TRPM6: variants seen among roughly 807,000 people sequenced by gnomAD.
TRPM6 encodes transient receptor potential cation channel subfamily M member 6.
TRPM6 carries 111 observed loss-of-function variants against 247.6 expected under a neutral mutation model. The ratio of observed to expected loss-of-function variants is 0.45; its 90% CI spans 0.38 to 0.52. TRPM6 has a LOEUF of 0.52. TRPM6 is among the 20% of genes least tolerant of loss of function. The pLI, the probability that TRPM6 is intolerant of heterozygous loss-of-function variation, is 0.00. For missense variants in TRPM6, 2,126 were observed against 2,421.5 expected (o/e 0.88, Z 2.56); for synonymous variants, 892 against 853.8 (o/e 1.04, Z -0.78).
chr9:74,849,658 G>T (rs1830231892), intron 3 of TRPM6, among the ~76,000 whole-genome samples: 2 of 152,136 alleles, frequency 1.3e-5, no homozygotes, highest in African/African-American at 2.4e-5. Context: ...TAAAATCCTG[G>T]CTATAGAACA....
chr9:74,803,799 A>C lies in TRPM6; in HGVS notation c.1726T>G (p.Phe576Val), dbSNP rs763156594. The change falls in exon 15 of 39, where the codon TTC (phenylalanine) becomes GTC (valine). Residue 576 changes from phenylalanine (F) to valine (V), a missense_variant. Phe to Val is a conservative substitution (Grantham distance 50). Coordinates refer to ENST00000360774, the MANE Select transcript of TRPM6 (RefSeq NM_017662.5). ...GAAAAACAAGTAAATGGTACCTTGAATTTGTATGGCTGTGCAGTTCTAATG... is the reference window on the plus strand; with the variant it reads ...GAAAAACAAGTAAATGGTACCTTGACTTTGTATGGCTGTGCAGTTCTAATG... ...QFIRTAQPYK[F>V]KEKSIVLHKS... The C allele has an allele frequency of 1.2e-6, 2 of 1,608,596 alleles. No homozygotes were observed. The highest frequency in any genetic ancestry group is 1.1e-5 in the South Asian group (1 of 90,966).
rs145164991 is a variant in TRPM6 at position 74,746,666 on chromosome 9, T to C, written c.5083+1223A>G. On this transcript the variant is annotated intron_variant, in intron 31 of 38. Coordinates refer to ENST00000360774, the MANE Select transcript of TRPM6 (RefSeq NM_017662.5). ...AGTGATGATTTAGCATTCATAAAGA[T>C]AATTCTGATAGAAACATAGGAAAGT... Among the ~76,000 whole-genome samples, 504 of 152,340 alleles carry C rather than the reference T, an allele frequency of 3.3e-3. 2 individuals carry two copies. Among genetic ancestry groups the C allele is most frequent in the Non-Finnish European group, 5.7e-3 (388 of 68,036 alleles).
chr9:74,802,605 C>G (rs572039483), intron 15 of TRPM6, among the ~76,000 whole-genome samples: 1 of 152,036 alleles, frequency 6.6e-6, no homozygotes, highest in African/African-American at 2.4e-5. Context: ...GGAAATGGGT[C>G]GAAATAGCGT....
intron 7 of TRPM6, among the ~76,000 whole-genome samples, chr9:74,823,736 T>TA (rs1829214264): frequency 6.6e-6 from 1 of 152,206 alleles, no homozygotes; most frequent in Admixed American, 6.5e-5. Context: ...GATTTTGGAA[T>TA]AAAAACACTT....
intron 8 of TRPM6, among the ~76,000 whole-genome samples, 193 bp from the exon 9 acceptor site, chr9:74,820,620 A>G (rs1051521643): frequency 3.3e-5 from 5 of 152,114 alleles, no homozygotes; most frequent in Non-Finnish European, 2.9e-5. Context: ...GTGGGAATGG[A>G]GCCGGGCATG....
Position 74,775,932 on chromosome 9 carries a change from C to T in TRPM6, c.3354G>A (p.Leu1118=). ...GGTCGTGAGGAGCTCGATGACAGCA[C>T]AGGCGGCGGAGGAGAAGGCCCACGT... ...LSHVGLLLRR[L]CCHRAPHDQE... is the part of the protein sequence containing the mutation. The change falls in exon 24 of 39, where the codon CTG becomes CTA. Residue 1118 remains leucine, a synonymous_variant. Coordinates refer to ENST00000360774, the MANE Select transcript of TRPM6 (RefSeq NM_017662.5). 6.2e-7 allele frequency: 1 copy of T among 1,614,160 alleles called. No individual in the cohort carries two copies. Among genetic ancestry groups the T allele is most frequent in the Non-Finnish European group, 8.5e-7 (1 of 1,180,040 alleles).
rs1480689264 is a variant in TRPM6, at chr9:74,855,516, C to A, written c.152+11G>T. ...AAAAGCTAAAAGGAATCTTGCTTATCTAAGTCTTACCTGATTAAATTCTGG... is the reference window on the plus strand; with the variant it reads ...AAAAGCTAAAAGGAATCTTGCTTATATAAGTCTTACCTGATTAAATTCTGG... On this transcript the variant is annotated intron_variant, in intron 3 of 38. Coordinates refer to ENST00000360774, the MANE Select transcript of TRPM6 (RefSeq NM_017662.5). 1.3e-6 allele frequency: 2 copies of A among 1,597,808 alleles called. No homozygotes were observed. The highest frequency in any genetic ancestry group is 1.7e-6 in the Non-Finnish European group (2 of 1,165,390).
chr9:74,863,540 C>T (rs1334051729), intron 1 of TRPM6, among the ~76,000 whole-genome samples: 1 of 152,060 alleles, frequency 6.6e-6, no homozygotes, highest in Non-Finnish European at 1.5e-5. Flanking sequence ...TTGGGGTACT[C>T]TCTGAGAAGG....
intron 23 of TRPM6, among the ~76,000 whole-genome samples, chr9:74,779,876 T>C (rs374572662): frequency 3.3e-5 from 5 of 152,284 alleles, no homozygotes; most frequent in Admixed American, 2.0e-4. Context: ...GTGTGATGCA[T>C]GATTTAAGAA....
intron 1 of TRPM6, among the ~76,000 whole-genome samples, chr9:74,872,729 C>CAAG (rs202032528): frequency 0.016 from 2,390 of 152,242 alleles, 49 homozygotes; most frequent in Non-Finnish European, 0.022. Context: ...CTCAGCCTCT[C>CAAG]AAAGTGCTGG....
At chr9:74,766,850 C>A (rs1826843331) in intron 25 of TRPM6, among the ~76,000 whole-genome samples, 1 of 151,986 alleles carries the variant, frequency 6.6e-6, no homozygotes, top group South Asian at 2.1e-4. Flanking sequence ...GCAGAGGTTG[C>A]AGTGAGCTGA....
At chr9:74,769,680 C>A (rs1826956728) in intron 25 of TRPM6, among the ~76,000 whole-genome samples, 1 of 151,660 alleles carries the variant, frequency 6.6e-6, no homozygotes, top group East Asian at 2.0e-4. Flanking sequence ...ATTGCTTGAA[C>A]CCGGGAGGCA....
At chr9:74,827,646 G>C in intron 7 of TRPM6, 132 bp downstream of exon 7, 1 of 881,984 alleles carries the variant, frequency 1.1e-6, no homozygotes, top group South Asian at 1.3e-5. Context: ...GTGGGAAGGG[G>C]GGTGGCTGAA....
At chr9:74,752,882 G>A (rs1199671385) in intron 28 of TRPM6, among the ~76,000 whole-genome samples, 1 of 152,076 alleles carries the variant, frequency 6.6e-6, no homozygotes, top group Non-Finnish European at 1.5e-5. Flanking sequence ...GGAGGCCAAG[G>A]CGGGTGGATC....
At chr9:74,775,822 C>T (rs1827197167) in intron 24 of TRPM6, 61 bp downstream of exon 24, 1 of 1,539,710 alleles carries the variant, frequency 6.5e-7, no homozygotes, top group Non-Finnish European at 9.0e-7. Flanking sequence ...TACTCCAGTG[C>T]ATCTTTGCCT....
chr9:74,776,763 AACTTT>A lies in TRPM6; in HGVS notation c.3210-692_3210-688del, dbSNP rs1358087646. On this transcript the variant is annotated intron_variant, in intron 23 of 38. Transcript: ENST00000360774. ...AACAATATACCATCCTTAACTACTT[AACTTT>A]AAGTATATAATATGATATAAGAGGA... Among the ~76,000 whole-genome samples the A allele has an allele frequency of 3.3e-5, 5 of 152,326 alleles. No individual in the cohort carries two copies. The East Asian group carries it at 9.6e-4, about 29-fold the overall frequency.
chr9:74,798,459 A>G (rs1828181152), intron 17 of TRPM6, among the ~76,000 whole-genome samples: 1 of 152,132 alleles, frequency 6.6e-6, no homozygotes, highest in African/African-American at 2.4e-5. Context: ...CCCAGTGGTA[A>G]TATTGTACTA....
intron 24 of TRPM6, among the ~76,000 whole-genome samples, chr9:74,772,560 T>C (rs569875792): frequency 3.3e-4 from 51 of 152,358 alleles, no homozygotes; most frequent in African/African-American, 1.1e-3. Context: ...TATAATCACA[T>C]CAGGGCAATT....
rs529923342 is a variant in TRPM6, at chr9:74,778,394, T to C, written c.3210-2318A>G. ...TGCTGGCTTTTAAAATCAGCTATTA[T>C]GTTTGAGATGTGACTGTCACCAACA... On this transcript the variant is annotated intron_variant, in intron 23 of 38. Coordinates refer to ENST00000360774, the MANE Select transcript of TRPM6 (RefSeq NM_017662.5). 1.1e-4 allele frequency among the ~76,000 whole-genome samples: 17 copies of C among 152,330 alleles called. No homozygotes were observed. The South Asian group carries it at 3.3e-3, about 30-fold the overall frequency.
Sources: gnomAD v4.1 joint callset for allele counts (sites outside exome capture counted in the v4.1 genomes callset) on GRCh38, gnomAD v4.1.1 for gene constraint, MANE v1.5 for transcripts, NCBI Gene and HGNC (gene_info 2026-07-23, HGNC 2026-07-21) for gene names.